Variants in PIKFYVE observed in about 807,000 individuals in gnomAD.
The protein encoded by PIKFYVE is 1-phosphatidylinositol 3-phosphate 5-kinase.
Under a neutral mutation model 257.9 loss-of-function variants are expected in PIKFYVE, and 122 were observed. The ratio of observed to expected loss-of-function variants is 0.47; its 90% confidence interval spans 0.41 to 0.55. The LOEUF (loss-of-function observed/expected upper bound fraction) is 0.55. PIKFYVE is among the 20% of genes least tolerant of loss of function. The pLI is 0.00. For synonymous variants in PIKFYVE, 892 were observed against 868.9 expected (o/e 1.03, Z -0.47); for missense variants, 2,160 against 2,536.6 (o/e 0.85, Z 3.19).
At chr2:208,348,975 C>T (rs1474183692) in intron 35 of PIKFYVE, among the ~76,000 whole-genome samples, 1 of 151,790 alleles carries the variant, frequency 6.6e-6, no homozygotes, top group South Asian at 2.1e-4. Flanking sequence ...TGAGCCTGGC[C>T]GACATAGAGA....
At chr2:208,291,016 TA>T (rs1692242527) in intron 7 of PIKFYVE, among the ~76,000 whole-genome samples, 1 of 152,164 alleles carries the variant, frequency 6.6e-6, no homozygotes, top group Non-Finnish European at 1.5e-5. Context: ...TTTCATTAGC[TA>T]AAACTTCTAG....
intron 34 of PIKFYVE, among the ~76,000 whole-genome samples, chr2:208,346,664 T>C (rs1419165067): frequency 6.6e-6 from 1 of 152,188 alleles, no homozygotes; most frequent in African/African-American, 2.4e-5. Context: ...TTTCTCTGAC[T>C]TTGTCAGGAA....
At position 208,325,356 on chromosome 2, in the gene PIKFYVE, C is replaced by T. The variant is rs1696801161; in HGVS notation, c.2545C>T (p.Leu849=). 1 of 1,614,060 alleles carries T rather than the reference C, an allele frequency of 6.2e-7. No individual in the cohort carries two copies. Among genetic ancestry groups the T allele is most frequent in the Non-Finnish European group, 8.5e-7 (1 of 1,179,960 alleles). ...IKLRGGSDYE[L]ARVKEILIFM... ...GCTAAGAGGAGGCTCTGATTATGAG[C>T]TGGCTCGAGTTAAGGAGATCCTAAT... The change falls in exon 20 of 42, where the codon CTG becomes TTG. Residue 849 remains leucine (L), a synonymous_variant. Coordinates refer to ENST00000264380, the MANE Select transcript of PIKFYVE (RefSeq NM_015040.4).
At chr2:208,323,160 G>A (rs558295240) in intron 17 of PIKFYVE, among the ~76,000 whole-genome samples, 1 of 150,710 alleles carries the variant, frequency 6.6e-6, no homozygotes, top group East Asian at 2.0e-4. Flanking sequence ...TGCACAATGT[G>A]CAGGTTAGTT....
intron 23 of PIKFYVE, among the ~76,000 whole-genome samples, chr2:208,331,378 GTTCT>G (rs1259412644): frequency 3.1e-4 from 47 of 151,716 alleles, no homozygotes; most frequent in African/African-American, 1.1e-3. Context: ...CCTTAATTAG[GTTCT>G]TTCTTTCTTT....
chr2:208,312,195 C>CT, intron 12 of PIKFYVE, 41 bp from the exon 13 acceptor site: 1 of 1,415,380 alleles, frequency 7.1e-7, no homozygotes, highest in Non-Finnish European at 1.0e-6. Flanking sequence ...TCATATGTCT[C>CT]TACTTTTGTT....
intron 16 of PIKFYVE, among the ~76,000 whole-genome samples, chr2:208,319,834 TTTCTCCCTC>T (rs1373669851): frequency 6.6e-6 from 1 of 152,166 alleles, no homozygotes; most frequent in African/African-American, 2.4e-5. Context: ...TTTTAATTCT[TTTCTCCCTC>T]TTCTCCTCTT....
At chr2:208,345,364 A>G (rs988026287) in intron 33 of PIKFYVE, among the ~76,000 whole-genome samples, 170 bp downstream of exon 33, 1 of 152,176 alleles carries the variant, frequency 6.6e-6, no homozygotes, top group African/African-American at 2.4e-5. Flanking sequence ...AATATAGCAA[A>G]AGAACTTAAA....
intron 32 of PIKFYVE, 80 bp from the exon 33 acceptor site, chr2:208,345,031 A>G: frequency 1.9e-6 from 2 of 1,056,570 alleles, no homozygotes; most frequent in East Asian, 2.5e-5. Context: ...TCTATAATGC[A>G]AAACTTACTC....
intron 5 of PIKFYVE, among the ~76,000 whole-genome samples, chr2:208,280,905 T>A (rs189377346): frequency 1.4e-3 from 218 of 152,290 alleles, no homozygotes; most frequent in African/African-American, 5.2e-3. Context: ...TGATGTCTAT[T>A]ATAGTAACCA....
chr2:208,342,519 C>T (rs1404576053), intron 31 of PIKFYVE, 35 bp from the exon 32 acceptor site: 3 of 1,458,902 alleles, frequency 2.1e-6, no homozygotes, highest in Admixed American at 1.7e-5. Context: ...CTCTAGAGTA[C>T]TTAGTTAACT....
In PIKFYVE at chr2:208,271,670, A is replaced by T. The variant is rs1204728874; in HGVS notation, c.151A>T (p.Asn51Tyr). 1 of 1,613,862 alleles carries T rather than the reference A, an allele frequency of 6.2e-7. No individual in the cohort carries two copies. Among genetic ancestry groups the T allele is most frequent in the Non-Finnish European group, 8.5e-7 (1 of 1,179,814 alleles). ...PFKSAYSSFVNLFRFNKERAE... is the reference protein window; with the variant it reads ...PFKSAYSSFVYLFRFNKERAE... ...TAAATCAGCTTATAGTTCTTTTGTA[A>T]ATCTCTTTCGTTTTAACAAAGGTAA... is the stretch of plus-strand genomic sequence containing the variant. The change falls in exon 2 of 42, where the codon AAT (asparagine) becomes TAT (tyrosine). Residue 51 changes from asparagine to tyrosine, a missense_variant. This residue lies in a region of PIKFYVE where 172 missense variants were observed against 180.6 expected (regional missense o/e 0.95). Transcript: ENST00000264380.
At chr2:208,298,513 A>C in intron 7 of PIKFYVE, 128 bp from the exon 8 acceptor site, 1 of 1,177,284 alleles carries the variant, frequency 8.5e-7, no homozygotes, top group South Asian at 1.3e-5. Flanking sequence ...CATAACCATC[A>C]TAAGTACTTT....
chr2:208,351,068 C>G (rs565818189), intron 37 of PIKFYVE, 121 bp downstream of exon 37: 2 of 1,312,808 alleles, frequency 1.5e-6, no homozygotes, highest in East Asian at 5.0e-5. Flanking sequence ...CTAGTTTTAA[C>G]AGAGGTGTTT....
chr2:208,353,656 A>ATT (rs1195171078), intron 39 of PIKFYVE, among the ~76,000 whole-genome samples: 1 of 152,088 alleles, frequency 6.6e-6, no homozygotes, highest in Non-Finnish European at 1.5e-5. Context: ...CGTTTCAGTA[A>ATT]TTGAGTACCT....
intron 31 of PIKFYVE, among the ~76,000 whole-genome samples, chr2:208,340,700 CT>C (rs1372707640): frequency 6.6e-6 from 1 of 152,010 alleles, no homozygotes; most frequent in Non-Finnish European, 1.5e-5. Flanking sequence ...TTAATAAGGC[CT>C]TTTATTTTAT....
At chr2:208,273,986 A>G (rs1257744832) in intron 3 of PIKFYVE, 8 of 1,604,146 alleles carry the variant, frequency 5.0e-6, no homozygotes, top group Non-Finnish European at 5.1e-6. Context: ...TTTCTTGACT[A>G]TTTTTTGATT....
Position 208,336,817 on chromosome 2 carries a change from AT to A in PIKFYVE, c.4521-15del. 1 of 1,522,688 alleles carries A rather than the reference AT, an allele frequency of 6.6e-7. No homozygotes were observed. The allele number at this position is 1,522,688 out of a possible 1,614,324, so 94.3% of individuals were successfully genotyped here. ...CTAGAAACAAACCATATATATATAT[AT>A]TTTTTGCTTTTGGCCACAGGTTGCA... On this transcript the variant is annotated intron_variant, in intron 27 of 41. Transcript: ENST00000264380.
chr2:208,336,819 T>G lies in PIKFYVE; in HGVS notation c.4521-19T>G. 7.3e-6 allele frequency: 11 copies of G among 1,497,828 alleles called. No homozygotes were observed. Among genetic ancestry groups the G allele is most frequent in the Non-Finnish European group, 7.4e-6 (8 of 1,077,770 alleles). 92.8% of individuals were successfully genotyped at this position (1,497,828 alleles called of 1,614,324 possible). A position where few individuals can be genotyped will look rare whatever the true frequency, so the allele number is the denominator to read the frequency against. On this transcript the variant is annotated intron_variant, in intron 27 of 41. Transcript: ENST00000264380. ...AGAAACAAACCATATATATATATAT[T>G]TTTTGCTTTTGGCCACAGGTTGCAG...
Sources: gnomAD v4.1 joint callset for allele counts (sites outside exome capture counted in the v4.1 genomes callset) on GRCh38, gnomAD v4.1.1 for gene constraint, gnomAD v4.1.1 regional missense constraint, MANE v1.5 for transcripts, NCBI Gene and HGNC (gene_info 2026-07-23, HGNC 2026-07-21) for gene names.